The following LRRC4C variants were observed in gnomAD, a reference collection of about 807,000 sequenced individuals.
LRRC4C encodes the protein leucine rich repeat containing 4C, also known as leucine-rich repeat-containing protein 4C.
In LRRC4C, 5 loss-of-function variants were observed where a neutral mutation model predicts 33.6. The observed-to-expected ratio is 0.15, with a 90% CI of 0.08 to 0.31. The LOEUF (loss-of-function observed/expected upper bound fraction) is 0.31. Among genes scored for constraint, LRRC4C ranks in the 10% least tolerant of loss-of-function variants. The pLI is 1.00. For synonymous variants in LRRC4C, 329 were observed against 302.0 expected (o/e 1.09, Z -0.93); for missense variants, 560 against 796.7 (o/e 0.70, Z 3.58).
At chr11:41,277,245 G>A (rs1230941314) in intron 1 of LRRC4C, among the ~76,000 whole-genome samples, 1 of 152,084 alleles carries the variant, frequency 6.6e-6, no homozygotes, top group Admixed American at 6.6e-5. Flanking sequence ...AACAAAGCAT[G>A]TAAAAAACCC....
At chr11:40,582,514 T>G (rs1958513835) in intron 3 of LRRC4C, among the ~76,000 whole-genome samples, 1 of 46,312 alleles carries the variant, frequency 2.2e-5, no homozygotes, top group Admixed American at 2.1e-4. Flanking sequence ...CCTTGTTCAG[T>G]TTTTTTTTTT....
intron 3 of LRRC4C, among the ~76,000 whole-genome samples, chr11:40,398,358 C>A (rs1212718068): frequency 1.3e-5 from 2 of 151,938 alleles, no homozygotes; most frequent in Non-Finnish European, 2.9e-5. Flanking sequence ...AATAAATCAT[C>A]TATTTCATTA....
chr11:40,335,349 C>G (rs935017328), intron 3 of LRRC4C, among the ~76,000 whole-genome samples: 1 of 152,132 alleles, frequency 6.6e-6, no homozygotes, highest in Non-Finnish European at 1.5e-5. Flanking sequence ...CTTCTTCAGT[C>G]TATAAATCCT....
chr11:41,143,484 A>G (rs568472170), intron 1 of LRRC4C, among the ~76,000 whole-genome samples: 2 of 152,126 alleles, frequency 1.3e-5, no homozygotes, highest in Non-Finnish European at 2.9e-5. Flanking sequence ...AATGAATCCA[A>G]CCAAAATTAA....
At chr11:41,230,508 C>G (rs1164466540) in intron 1 of LRRC4C, among the ~76,000 whole-genome samples, 1 of 152,062 alleles carries the variant, frequency 6.6e-6, no homozygotes, top group African/African-American at 2.4e-5. Context: ...TTAAGCCCTA[C>G]TCATAGAGAG....
chr11:41,005,183 T>A (rs949956264), intron 1 of LRRC4C, among the ~76,000 whole-genome samples: 1 of 152,196 alleles, frequency 6.6e-6, no homozygotes, highest in Admixed American at 6.5e-5. Flanking sequence ...CCAAATCTCA[T>A]GTTGAAATGT....
intron 1 of LRRC4C, among the ~76,000 whole-genome samples, chr11:41,223,261 G>T (rs1947387165): frequency 6.6e-6 from 1 of 152,162 alleles, no homozygotes; most frequent in South Asian, 2.1e-4. Context: ...TTTGATGGCT[G>T]AAAGGTTCTG....
rs1361437420 is a variant in LRRC4C at position 41,304,884 on chromosome 11, G to A, written c.-496+154547C>T. Among the ~76,000 whole-genome samples the A allele has an allele frequency of 2.1e-5, 2 of 93,630 alleles. 1 individual carries two copies. The allele number at this position is 93,630 out of a possible 152,430, so 61.4% of individuals were successfully genotyped here. On this transcript the variant is annotated intron_variant, in intron 1 of 6. Coordinates refer to ENST00000528697, the MANE Select transcript of LRRC4C (RefSeq NM_001258419.2). ...AGGGAGGTGGGGGTATCAGCCCTCC[G>A]CCCGGCCAGCCGCCCCATCCGGGAG...
At chr11:41,160,618 T>A (rs576786808) in intron 1 of LRRC4C, among the ~76,000 whole-genome samples, 1 of 152,292 alleles carries the variant, frequency 6.6e-6, no homozygotes, top group South Asian at 2.1e-4. Flanking sequence ...TTGGCATGCA[T>A]GTCTTTATTC....
chr11:40,297,971 C>G (rs1048298206), intron 4 of LRRC4C, among the ~76,000 whole-genome samples: 3 of 152,164 alleles, frequency 2.0e-5, no homozygotes, highest in African/African-American at 4.8e-5. Context: ...TATGTCCCCC[C>G]CAACCTCCAA....
chr11:40,527,149 G>C (rs1257553214), intron 3 of LRRC4C, among the ~76,000 whole-genome samples: 1 of 152,120 alleles, frequency 6.6e-6, no homozygotes, highest in Non-Finnish European at 1.5e-5. Flanking sequence ...TAGACAGATA[G>C]GACATTTCTA....
At chr11:41,321,377 A>T (rs1591261402) in intron 1 of LRRC4C, among the ~76,000 whole-genome samples, 1 of 152,058 alleles carries the variant, frequency 6.6e-6, no homozygotes, top group African/African-American at 2.4e-5. Context: ...TCTAAGACAA[A>T]TTTTTTGAAT....
intron 1 of LRRC4C, among the ~76,000 whole-genome samples, chr11:41,281,866 A>G (rs1180394118): frequency 6.6e-6 from 1 of 152,246 alleles, no homozygotes; most frequent in Non-Finnish European, 1.5e-5. Flanking sequence ...TACTACCCCA[A>G]ATGCAATAAA....
intron 2 of LRRC4C, among the ~76,000 whole-genome samples, chr11:40,929,381 C>G (rs918314419): frequency 3.3e-5 from 5 of 152,098 alleles, no homozygotes; most frequent in African/African-American, 1.2e-4. Flanking sequence ...ACTTGTACCC[C>G]TTAAATGCAT....
At chr11:41,311,324 G>T (rs997150335) in intron 1 of LRRC4C, among the ~76,000 whole-genome samples, 5 of 151,950 alleles carry the variant, frequency 3.3e-5, no homozygotes, top group African/African-American at 1.2e-4. Context: ...TTTTCTATAT[G>T]TCACACTCGT....
intron 2 of LRRC4C, among the ~76,000 whole-genome samples, chr11:40,898,353 CAA>C (rs765252333): frequency 3.7e-3 from 141 of 38,366 alleles, no homozygotes; most frequent in Non-Finnish European, 5.2e-3. Context: ...AACTCCATCT[CAA>C]AAAAAAAAAA....
At chr11:40,697,425 T>C (rs561308798) in intron 2 of LRRC4C, among the ~76,000 whole-genome samples, 11 of 152,296 alleles carry the variant, frequency 7.2e-5, no homozygotes, top group Admixed American at 5.9e-4. Flanking sequence ...AAAAGCACTT[T>C]TTGGATATAC....
chr11:40,576,163 G>C (rs1464519673), intron 3 of LRRC4C, among the ~76,000 whole-genome samples: 2 of 152,158 alleles, frequency 1.3e-5, no homozygotes, highest in Non-Finnish European at 2.9e-5. Context: ...TCTGTAGAGA[G>C]GGATGAAGGA....
rs561922980 is a variant in LRRC4C at position 41,218,853 on chromosome 11, C to T, written c.-496+240578G>A. ...TGCGATCTCGGCTCACAGCAAGCTC[C>T]GCCTCCTGAATTCACGCCATTCTCC... On this transcript the variant is annotated intron_variant, in intron 1 of 6. Coordinates refer to ENST00000528697, the MANE Select transcript of LRRC4C (RefSeq NM_001258419.2). Among the ~76,000 whole-genome samples, 45 of 150,102 alleles carry T rather than the reference C, an allele frequency of 3.0e-4. No individual in the cohort carries two copies. The South Asian group carries it at 8.7e-3, about 29-fold the overall frequency.
Sources: allele counts gnomAD v4.1 joint callset (sites outside exome capture counted in the v4.1 genomes callset), GRCh38; gene constraint gnomAD v4.1.1; transcripts MANE v1.5; gene names NCBI Gene and HGNC (gene_info 2026-07-23, HGNC 2026-07-21).